Variants in BCAR3 observed in about 807,000 individuals in gnomAD.
BCAR3 encodes the protein BCAR3 adaptor protein, NSP family member, also known as breast cancer anti-estrogen resistance protein 3.
BCAR3 carries 37 observed loss-of-function variants against 80.1 expected under a neutral mutation model. The ratio of observed to expected loss-of-function variants is 0.46; its 90% CI spans 0.36 to 0.61. The LOEUF is 0.61. BCAR3 is among the 20% of genes least tolerant of loss of function. BCAR3 has a pLI of 0.00. For missense variants in BCAR3, 978 were observed against 1,068.2 expected (o/e 0.92, Z 1.18); for synonymous variants, 389 against 418.9 (o/e 0.93, Z 0.87).
intron 5 of BCAR3, chr1:93,584,859 T>C: frequency 1.9e-6 from 1 of 514,644 alleles, no homozygotes; most frequent in Non-Finnish European, 2.5e-6. Flanking sequence ...CACCAGAATC[T>C]CCCTAGCTAG....
chr1:93,687,355 T>G (rs745439494), intron 3 of BCAR3, among the ~76,000 whole-genome samples: 2 of 152,250 alleles, frequency 1.3e-5, no homozygotes, highest in African/African-American at 2.4e-5. Context: ...TCACCCAGGC[T>G]GGAGTGCAGT....
chr1:93,660,792 G>A (rs1647612128), intron 2 of BCAR3, among the ~76,000 whole-genome samples: 1 of 152,164 alleles, frequency 6.6e-6, no homozygotes, highest in Non-Finnish European at 1.5e-5. Flanking sequence ...TTGACTTACT[G>A]CAACCTCTGC....
chr1:93,688,794 G>C (rs1649064784), intron 3 of BCAR3, among the ~76,000 whole-genome samples: 1 of 151,506 alleles, frequency 6.6e-6, no homozygotes, highest in East Asian at 1.9e-4. Flanking sequence ...TTGTTTGTTT[G>C]TTTGTTTGTT....
At chr1:93,608,223 G>A (rs1387877021) in intron 3 of BCAR3, among the ~76,000 whole-genome samples, 1 of 152,196 alleles carries the variant, frequency 6.6e-6, no homozygotes, top group Non-Finnish European at 1.5e-5. Context: ...CTCATGGCCA[G>A]AGCCAGATTT....
intron 8 of BCAR3, among the ~76,000 whole-genome samples, chr1:93,572,283 G>C (rs1673251395): frequency 6.6e-6 from 1 of 152,128 alleles, no homozygotes; most frequent in Non-Finnish European, 1.5e-5. Flanking sequence ...GGGATGGAAG[G>C]GACAGAAAAA....
chr1:93,643,993 A>G (rs1428670921), intron 2 of BCAR3, among the ~76,000 whole-genome samples: 2 of 152,100 alleles, frequency 1.3e-5, no homozygotes, highest in Non-Finnish European at 2.9e-5. Flanking sequence ...CAAACCATAA[A>G]TTCTCATCAG....
chr1:93,710,324 G>A (rs1163952840), intron 2 of BCAR3, among the ~76,000 whole-genome samples: 1 of 152,196 alleles, frequency 6.6e-6, no homozygotes, highest in East Asian at 1.9e-4. Flanking sequence ...AGCTGGAGAA[G>A]CCTTACCCAT....
At chr1:93,836,557 C>T (rs995579176) in intron 2 of BCAR3, among the ~76,000 whole-genome samples, 14 of 152,094 alleles carry the variant, frequency 9.2e-5, no homozygotes, top group Admixed American at 3.3e-4. Flanking sequence ...CCCCTAATCC[C>T]GCTTGAAGCA....
intron 2 of BCAR3, among the ~76,000 whole-genome samples, chr1:93,839,637 T>C (rs1421221736): frequency 3.3e-5 from 5 of 152,192 alleles, no homozygotes; most frequent in African/African-American, 1.2e-4. Flanking sequence ...TTAGACACCA[T>C]TAGCAATATA....
At chr1:93,628,392 T>C (rs1026045763) in intron 3 of BCAR3, among the ~76,000 whole-genome samples, 1 of 152,156 alleles carries the variant, frequency 6.6e-6, no homozygotes, top group Non-Finnish European at 1.5e-5. Context: ...GAAGCCAAAG[T>C]GAACCTGAGA....
intron 1 of BCAR3, among the ~76,000 whole-genome samples, chr1:93,846,269 G>C (rs1011709826): frequency 2.6e-5 from 4 of 152,222 alleles, no homozygotes; most frequent in Non-Finnish European, 5.9e-5. Context: ...GGGCGGGTAT[G>C]GGTGAAGCAC....
chr1:93,748,386 C>T (rs1651430739), intron 2 of BCAR3, among the ~76,000 whole-genome samples: 1 of 152,162 alleles, frequency 6.6e-6, no homozygotes, highest in Admixed American at 6.5e-5. Context: ...ATATCCTTTC[C>T]TTCACCTAAC....
chr1:93,748,221 C>G (rs963614737), intron 2 of BCAR3, among the ~76,000 whole-genome samples: 3 of 152,178 alleles, frequency 2.0e-5, no homozygotes, highest in East Asian at 3.9e-4. Flanking sequence ...AGGGCAGAGT[C>G]AGCTGAATGT....
At chr1:93,721,524 TAGAGATACA>T (rs1296630741) in intron 2 of BCAR3, among the ~76,000 whole-genome samples, 2 of 152,144 alleles carry the variant, frequency 1.3e-5, no homozygotes, top group Non-Finnish European at 2.9e-5. Context: ...GAACTTTTCC[TAGAGATACA>T]GGCCCCAGTG....
rs374058732 is a variant in BCAR3, at chr1:93,589,363, G to A, written c.543C>T (p.Ser181=). ...DGDFLVRDSL[S]SPGNFVLTCQ... is the part of the protein sequence containing the mutation. ...AGGTCAGGACAAAGTTCCCAGGGCT[G>A]GACAGAGAGTCACGAACTAGGAAGT... The change falls in exon 5 of 12, where the codon TCC becomes TCT. Residue 181 remains serine (S), a synonymous_variant. Transcript: ENST00000260502. 1 of 1,614,018 alleles carries A rather than the reference G, an allele frequency of 6.2e-7. No individual in the cohort carries two copies. Among genetic ancestry groups the A allele is most frequent in the Non-Finnish European group, 8.5e-7 (1 of 1,180,028 alleles).
At chr1:93,580,797 A>C (rs901044637) in intron 7 of BCAR3, among the ~76,000 whole-genome samples, 3 of 152,214 alleles carry the variant, frequency 2.0e-5, no homozygotes, top group East Asian at 1.9e-4. Context: ...ATCTCTCTTA[A>C]GGATGAGGTT....
chr1:93,586,512 G>A lies in BCAR3; in HGVS notation c.930-2391C>T, dbSNP rs35274141. On this transcript the variant is annotated intron_variant, in intron 5 of 11. Coordinates refer to ENST00000260502, the MANE Select transcript of BCAR3 (RefSeq NM_003567.4). The surrounding 1 kb of genome is among the most constrained non-coding windows in gnomAD (Gnocchi z 4.2). ...TGTAAACAGTGCTGCAACAAACATT[G>A]GTGCAGGTATCTCTTTGATATACTG... 0.21 allele frequency among the ~76,000 whole-genome samples: 31,206 copies of A among 151,836 alleles called. 3,639 individuals carry two copies. Among genetic ancestry groups the A allele is most frequent in the African/African-American group, 0.31 (12,622 of 41,336 alleles).
At chr1:93,728,348 A>T (rs1206111650) in intron 2 of BCAR3, among the ~76,000 whole-genome samples, 2 of 152,166 alleles carry the variant, frequency 1.3e-5, no homozygotes, top group Non-Finnish European at 2.9e-5. Context: ...TGAGAGGTTG[A>T]TGTTTACAGC....
At chr1:93,610,947 C>T (rs1332785343) in intron 3 of BCAR3, among the ~76,000 whole-genome samples, 1 of 151,952 alleles carries the variant, frequency 6.6e-6, no homozygotes, top group African/African-American at 2.4e-5. Flanking sequence ...GAGCACTAGG[C>T]TTCAGCCCAG....
Sources: gnomAD v4.1 joint callset for allele counts (sites outside exome capture counted in the v4.1 genomes callset) on GRCh38, gnomAD v4.1.1 for gene constraint, Gnocchi (gnomAD v3.1) non-coding constraint, MANE v1.5 for transcripts, NCBI Gene and HGNC (gene_info 2026-07-23, HGNC 2026-07-21) for gene names.